PPFIA2: variants seen among roughly 807,000 people sequenced by gnomAD.
The protein encoded by PPFIA2 is liprin-alpha-2.
Under a neutral mutation model 175.5 loss-of-function variants are expected in PPFIA2, and 46 were observed. That is an observed-to-expected ratio of 0.26 (90% CI 0.21 to 0.34). The LOEUF is 0.34. Ranked by LOEUF, PPFIA2 falls within the 10% of genes least tolerant of loss-of-function variation. The pLI is 1.00. For missense variants in PPFIA2, 1,179 were observed against 1,506.1 expected (o/e 0.78, Z 3.60); for synonymous variants, 568 against 511.4 (o/e 1.11, Z -1.49).
intron 3 of PPFIA2, among the ~76,000 whole-genome samples, chr12:81,678,397 T>C (rs145244800): frequency 1.6e-3 from 249 of 151,930 alleles, no homozygotes; most frequent in African/African-American, 5.9e-3. Context: ...GATGAGCATG[T>C]GATGGAAACG....
chr12:81,357,170 A>G (rs2060981798), intron 16 of PPFIA2, among the ~76,000 whole-genome samples: 2 of 152,236 alleles, frequency 1.3e-5, no homozygotes, highest in African/African-American at 2.4e-5. Flanking sequence ...TTGTTTTGGT[A>G]TCAAGTAGCA....
intron 3 of PPFIA2, among the ~76,000 whole-genome samples, chr12:81,709,724 C>T (rs1245503580): frequency 6.6e-6 from 1 of 152,036 alleles, no homozygotes; most frequent in Non-Finnish European, 1.5e-5. Context: ...ACTAGATTAT[C>T]AAATCTCCTG....
At chr12:81,685,284 T>C (rs2074267956) in intron 3 of PPFIA2, among the ~76,000 whole-genome samples, 1 of 152,060 alleles carries the variant, frequency 6.6e-6, no homozygotes, top group Non-Finnish European at 1.5e-5. Flanking sequence ...TCAACCAGAC[T>C]TAAGCAGTTA....
chr12:81,516,309 T>C (rs1246637672), intron 4 of PPFIA2, among the ~76,000 whole-genome samples: 1 of 152,150 alleles, frequency 6.6e-6, no homozygotes, highest in Non-Finnish European at 1.5e-5. Context: ...ATAATGTTCC[T>C]GTCTTCATTT....
At chr12:81,624,862 C>T (rs1050851412) in intron 4 of PPFIA2, among the ~76,000 whole-genome samples, 1 of 151,030 alleles carries the variant, frequency 6.6e-6, no homozygotes, top group Admixed American at 6.6e-5. Context: ...TAAAAAACTA[C>T]ACATTAGGTA....
chr12:81,302,748 A>T, intron 22 of PPFIA2: 1 of 441,170 alleles, frequency 2.3e-6, no homozygotes, highest in Non-Finnish European at 4.5e-6. Flanking sequence ...AAATTTACAA[A>T]GCAATATTGC....
At chr12:81,293,154 C>T (rs968351802) in intron 24 of PPFIA2, among the ~76,000 whole-genome samples, 1 of 151,752 alleles carries the variant, frequency 6.6e-6, no homozygotes, top group African/African-American at 2.4e-5. Flanking sequence ...CTCATTCTCC[C>T]ATATTTTATT....
At chr12:81,344,471 C>T (rs2058694656) in intron 19 of PPFIA2, among the ~76,000 whole-genome samples, 193 bp downstream of exon 19, 2 of 151,244 alleles carry the variant, frequency 1.3e-5, no homozygotes, top group Admixed American at 6.6e-5. Flanking sequence ...CTAATTATTG[C>T]TCCAGAAATC....
At chr12:81,431,825 C>T (rs1324495837) in intron 7 of PPFIA2, among the ~76,000 whole-genome samples, 5 of 152,164 alleles carry the variant, frequency 3.3e-5, no homozygotes, top group Admixed American at 2.0e-4. Context: ...TGGCTCACTG[C>T]TGTCTGCAGG....
intron 4 of PPFIA2, among the ~76,000 whole-genome samples, chr12:81,623,933 G>T (rs1015774449): frequency 2.0e-5 from 3 of 151,698 alleles, no homozygotes; most frequent in Admixed American, 6.6e-5. Flanking sequence ...ATTATTTTTT[G>T]ATCAGAAAAT....
At chr12:81,501,637 A>G (rs1374395384) in intron 4 of PPFIA2, among the ~76,000 whole-genome samples, 1 of 152,174 alleles carries the variant, frequency 6.6e-6, no homozygotes, top group Non-Finnish European at 1.5e-5. Flanking sequence ...CAAATGTTTG[A>G]GGCATGTATT....
chr12:81,374,512 CAATAT>C, intron 11 of PPFIA2, 117 bp downstream of exon 11: 1 of 1,114,610 alleles, frequency 9.0e-7, no homozygotes, highest in Non-Finnish European at 1.2e-6. Flanking sequence ...AATAACAGCT[CAATAT>C]AATAGAGATT....
chr12:81,280,551 C>A lies in PPFIA2; in HGVS notation c.3212+706G>T, dbSNP rs145567270. ...TCTATGGTTATATTTATTAACTTAT[C>A]ACCACAATCAACTTTATGTGAAAAA... is the stretch of plus-strand genomic sequence containing the variant. On this transcript the variant is annotated intron_variant, in intron 27 of 32. Transcript: ENST00000549396. Among the ~76,000 whole-genome samples, 18 of 152,182 alleles carry A rather than the reference C, an allele frequency of 1.2e-4. No homozygotes were observed. In the East Asian group the frequency reaches 1.9e-3, roughly 16 times the overall value.
chr12:81,530,894 TA>T (rs1451211539), intron 4 of PPFIA2, among the ~76,000 whole-genome samples: 2 of 151,970 alleles, frequency 1.3e-5, no homozygotes, highest in Non-Finnish European at 2.9e-5. Flanking sequence ...TAAAATGATT[TA>T]GAATTGTGAC....
At chr12:81,620,021 G>A (rs1223677926) in intron 4 of PPFIA2, among the ~76,000 whole-genome samples, 4 of 151,784 alleles carry the variant, frequency 2.6e-5, no homozygotes, top group Admixed American at 2.0e-4. Flanking sequence ...TTATCCGGGC[G>A]TGATGGCGGG....
At chr12:81,533,355 T>A (rs761137111) in intron 4 of PPFIA2, among the ~76,000 whole-genome samples, 11 of 151,702 alleles carry the variant, frequency 7.3e-5, no homozygotes, top group Non-Finnish European at 1.3e-4. Flanking sequence ...AATTTATGCA[T>A]ATATTTTTAA....
chr12:81,754,463 T>C (rs2153667527), intron 2 of PPFIA2, among the ~76,000 whole-genome samples: 1 of 152,338 alleles, frequency 6.6e-6, no homozygotes. Context: ...ACCTCCCATA[T>C]GCAACTTGGT....
chr12:81,414,932 T>C (rs1478042363), intron 7 of PPFIA2, among the ~76,000 whole-genome samples: 1 of 150,908 alleles, frequency 6.6e-6, no homozygotes, highest in Non-Finnish European at 1.5e-5. Flanking sequence ...ACTATTTCCT[T>C]TTCTAGCTCT....
intron 6 of PPFIA2, among the ~76,000 whole-genome samples, chr12:81,442,963 C>G (rs1391043390): frequency 7.2e-6 from 1 of 139,412 alleles, no homozygotes; most frequent in East Asian, 2.2e-4. Flanking sequence ...CTGTGAGTTA[C>G]TCTTAGGGAA....
Sources: gnomAD v4.1 joint callset for allele counts (sites outside exome capture counted in the v4.1 genomes callset) on GRCh38, gnomAD v4.1.1 for gene constraint, MANE v1.5 for transcripts, NCBI Gene and HGNC (gene_info 2026-07-23, HGNC 2026-07-21) for gene names.